Variants in COP1 observed in about 807,000 individuals in gnomAD.
COP1 encodes the protein COP1 E3 ubiquitin ligase, also known as E3 ubiquitin-protein ligase COP1.
COP1 carries 24 observed loss-of-function variants against 101.3 expected under a neutral mutation model. The ratio of observed to expected loss-of-function variants is 0.24; its 90% CI spans 0.17 to 0.33. COP1 has a LOEUF of 0.33. Ranked by LOEUF, COP1 falls within the 10% of genes least tolerant of loss-of-function variation. The pLI, the probability that COP1 is intolerant of heterozygous loss-of-function variation, is 1.00. For synonymous variants in COP1, 347 were observed against 341.9 expected (o/e 1.01, Z -0.17); for missense variants, 663 against 906.2 (o/e 0.73, Z 3.45).
intron 11 of COP1, among the ~76,000 whole-genome samples, chr1:176,066,158 TTCCTTTC>T (rs1675927938): frequency 6.6e-6 from 1 of 152,156 alleles, no homozygotes; most frequent in Non-Finnish European, 1.5e-5. Context: ...CAAAGTCCCT[TTCCTTTC>T]TCTTGTTACT....
At chr1:175,972,630 A>C (rs568147986) in intron 18 of COP1, among the ~76,000 whole-genome samples, 5 of 151,842 alleles carry the variant, frequency 3.3e-5, no homozygotes, top group African/African-American at 1.2e-4. Context: ...ATGCCCGGCT[A>C]ATTTTTGTAT....
At chr1:175,992,335 T>C (rs1658755329) in intron 15 of COP1, among the ~76,000 whole-genome samples, 2 of 152,144 alleles carry the variant, frequency 1.3e-5, no homozygotes. Context: ...AGACGGGTGA[T>C]TTTGCATTTC....
chr1:176,170,189 C>T (rs897296347), intron 3 of COP1, among the ~76,000 whole-genome samples: 50 of 152,170 alleles, frequency 3.3e-4, no homozygotes, highest in South Asian at 2.1e-4. Context: ...TCATCCATGA[C>T]GGCTGGAATC....
chr1:175,947,112 C>T, intron 19 of COP1, 83 bp downstream of exon 19: 2 of 936,014 alleles, frequency 2.1e-6, no homozygotes, highest in Non-Finnish European at 3.5e-6. Context: ...CTCTAAGGCT[C>T]AGTACAATGG....
At chr1:176,055,052 T>A (rs1430580905) in intron 11 of COP1, among the ~76,000 whole-genome samples, 2 of 152,194 alleles carry the variant, frequency 1.3e-5, no homozygotes, top group Non-Finnish European at 2.9e-5. Flanking sequence ...TCACTCTCTC[T>A]TCCACAATAG....
chr1:176,165,554 A>C (rs1309739420), intron 3 of COP1, among the ~76,000 whole-genome samples: 1 of 151,944 alleles, frequency 6.6e-6, no homozygotes, highest in Non-Finnish European at 1.5e-5. Context: ...AATTAGCCTG[A>C]CATGGTGGCA....
intron 18 of COP1, among the ~76,000 whole-genome samples, chr1:175,973,476 T>C (rs534819838): frequency 6.6e-6 from 1 of 152,226 alleles, no homozygotes; most frequent in Non-Finnish European, 1.5e-5. Flanking sequence ...TTTTACTGCA[T>C]GCAGAGCTAC....
intron 9 of COP1, among the ~76,000 whole-genome samples, chr1:176,108,394 T>C (rs976607483): frequency 3.3e-5 from 5 of 152,208 alleles, no homozygotes; most frequent in Non-Finnish European, 7.4e-5. Flanking sequence ...TTTTTGCACA[T>C]ATGATTAATA....
intron 11 of COP1, among the ~76,000 whole-genome samples, chr1:176,067,655 T>C (rs985323095): frequency 1.3e-5 from 2 of 152,052 alleles, no homozygotes; most frequent in African/African-American, 2.4e-5. Flanking sequence ...ATACAAAAGC[T>C]TGCACTCATT....
At chr1:176,099,855 A>G (rs1683085805) in intron 9 of COP1, among the ~76,000 whole-genome samples, 1 of 152,268 alleles carries the variant, frequency 6.6e-6, no homozygotes, top group African/African-American at 2.4e-5. Context: ...GTTTATTTTG[A>G]GACGTTAAGA....
intron 9 of COP1, among the ~76,000 whole-genome samples, chr1:176,103,999 TA>T (rs540155610): frequency 1.3e-5 from 2 of 151,968 alleles, no homozygotes; most frequent in East Asian, 1.9e-4. Flanking sequence ...GAAGCTAAGA[TA>T]GGGGAAGAAG....
In COP1 at chr1:176,061,947, T is replaced by C. The variant is rs191683398; in HGVS notation, c.1278-15623A>G. On this transcript the variant is annotated intron_variant, in intron 11 of 19. Coordinates refer to ENST00000367669, the MANE Select transcript of COP1 (RefSeq NM_022457.7). ...ACACATGTATCTGACAAAGAACTTA[T>C]ATCCATAATATAAAAGGAATTCTCA... is the stretch of plus-strand genomic sequence containing the variant. Among the ~76,000 whole-genome samples, 40 of 152,284 alleles carry C rather than the reference T, an allele frequency of 2.6e-4. No individual in the cohort carries two copies. In the East Asian group the frequency reaches 6.5e-3, roughly 25 times the overall value.
intron 1 of COP1, among the ~76,000 whole-genome samples, chr1:176,188,808 C>A (rs1285726801): frequency 6.8e-6 from 1 of 147,308 alleles, no homozygotes; most frequent in African/African-American, 2.5e-5. Context: ...CCACTGCATT[C>A]CAGCCTAAGT....
chr1:175,992,562 C>A (rs1658850293), intron 15 of COP1, among the ~76,000 whole-genome samples: 1 of 152,192 alleles, frequency 6.6e-6, no homozygotes, highest in Admixed American at 6.5e-5. Flanking sequence ...GCTTTACCGA[C>A]AGGCTTAAAA....
intron 9 of COP1, among the ~76,000 whole-genome samples, chr1:176,107,096 C>T (rs532837013): frequency 6.6e-6 from 1 of 152,250 alleles, no homozygotes; most frequent in East Asian, 1.9e-4. Flanking sequence ...TGTAATCACA[C>T]TGTTCCAGAA....
chr1:176,072,581 T>C (rs1321741218), intron 11 of COP1, among the ~76,000 whole-genome samples: 1 of 152,178 alleles, frequency 6.6e-6, no homozygotes, highest in African/African-American at 2.4e-5. Context: ...GGAAAGTACA[T>C]TGGCAGTCTT....
chr1:176,182,589 T>A (rs561459384), intron 2 of COP1, among the ~76,000 whole-genome samples: 17 of 152,166 alleles, frequency 1.1e-4, no homozygotes, highest in Non-Finnish European at 2.2e-4. Flanking sequence ...AGTGACAAGG[T>A]TGAGAAAGCC....
intron 3 of COP1, among the ~76,000 whole-genome samples, chr1:176,174,710 CA>C (rs1696660134): frequency 6.6e-6 from 1 of 152,052 alleles, no homozygotes; most frequent in South Asian, 2.1e-4. Flanking sequence ...AAACTGCCAC[CA>C]AAGTACTAGC....
chr1:176,063,165 T>C (rs1280659897), intron 11 of COP1, among the ~76,000 whole-genome samples: 1 of 140,618 alleles, frequency 7.1e-6, no homozygotes, highest in Admixed American at 7.8e-5. Context: ...GTTCACGCCA[T>C]TCTCCTGCCT....
Sources: allele counts gnomAD v4.1 joint callset (sites outside exome capture counted in the v4.1 genomes callset), GRCh38; gene constraint gnomAD v4.1.1; transcripts MANE v1.5; gene names NCBI Gene and HGNC (gene_info 2026-07-23, HGNC 2026-07-21).